The following NPIPB2 variants were observed in gnomAD, a reference collection of about 807,000 sequenced individuals.
NPIPB2 encodes nuclear pore complex-interacting protein family member B2.
NPIPB2 carries 27 observed loss-of-function variants against 30.8 expected under a neutral mutation model. That is an observed-to-expected ratio of 0.88 (90% confidence interval 0.65 to 1.21). The LOEUF (loss-of-function observed/expected upper bound fraction) is 1.21, where lower values mean the gene tolerates loss of function less well. NPIPB2 is among the 50% of genes most tolerant of loss of function. NPIPB2 has a pLI of 0.00. For missense variants in NPIPB2, 440 were observed against 446.2 expected (o/e 0.99, Z 0.13); for synonymous variants, 147 against 162.0 (o/e 0.91, Z 0.70).
chr16:11,966,432 C>T, intron 1 of NPIPB2: 2 of 1,298,400 alleles, frequency 1.5e-6, no homozygotes. Flanking sequence ...TTGACTATTT[C>T]ACTTCGTTAC....
At chr16:11,957,474 T>G (rs1169486584) in intron 1 of NPIPB2, among the ~76,000 whole-genome samples, 1 of 151,886 alleles carries the variant, frequency 6.6e-6, no homozygotes, top group Non-Finnish European at 1.5e-5. Context: ...TTGTATTTTT[T>G]GTACAGACGG....
chr16:11,957,262 T>G (rs1323778760), intron 1 of NPIPB2, among the ~76,000 whole-genome samples: 1 of 151,740 alleles, frequency 6.6e-6, no homozygotes, highest in Non-Finnish European at 1.5e-5. Flanking sequence ...CCTCTTGGGT[T>G]CAAGCGATTC....
chr16:11,933,664 G>A, exon 4 of NPIPB2: 1 of 1,596,792 alleles, frequency 6.3e-7, no homozygotes, highest in Middle Eastern at 2.3e-4. Context: ...TTTATTTCCT[G>A]GAAAGGAAGA....
At chr16:11,976,044 G>C (rs1181774238) in intron 1 of NPIPB2, among the ~76,000 whole-genome samples, 1 of 151,976 alleles carries the variant, frequency 6.6e-6, no homozygotes, top group Non-Finnish European at 1.5e-5. Flanking sequence ...GCCCTCCCAA[G>C]TGCTGGGACC....
chr16:11,970,660 C>G (rs529360500), intron 1 of NPIPB2, among the ~76,000 whole-genome samples: 115 of 152,004 alleles, frequency 7.6e-4, no homozygotes, highest in Middle Eastern at 3.4e-3. Flanking sequence ...CTCAGCCTCC[C>G]GTGTAACTGG....
At chr16:11,946,065 G>A (rs1196729462), upstream of NPIPB2, among the ~76,000 whole-genome samples, 1 of 150,464 alleles carries the variant, frequency 6.6e-6, no homozygotes, top group African/African-American at 2.4e-5. Context: ...AATGAAAGAA[G>A]AAAGAAAGAA....
intron 1 of NPIPB2, among the ~76,000 whole-genome samples, chr16:11,962,063 G>A (rs2150936583): frequency 6.6e-6 from 1 of 152,012 alleles, no homozygotes; most frequent in African/African-American, 2.4e-5. Context: ...AGCTGGGCAT[G>A]GTGGCATGTG....
At chr16:11,940,752 T>C in intron 1 of NPIPB2, among the ~76,000 whole-genome samples, 1 of 93,664 alleles carries the variant, frequency 1.1e-5, no homozygotes. Flanking sequence ...AGAGTGAGAC[T>C]CTGTCTAAAA....
upstream of NPIPB2, among the ~76,000 whole-genome samples, chr16:11,945,682 A>AAAAAAC (rs1054525301): frequency 3.3e-5 from 5 of 151,968 alleles, no homozygotes; most frequent in African/African-American, 1.2e-4. Context: ...TGTCTTAAAA[A>AAAAAAC]AAAAACAAAA....
At chr16:11,937,769 T>C (rs1290230071) in intron 1 of NPIPB2, 101 bp from the exon 2 acceptor site, 1 of 1,449,652 alleles carries the variant, frequency 6.9e-7, no homozygotes, top group African/African-American at 1.4e-5. Context: ...CTCCAAAAGG[T>C]AACCACATCC....
chr16:11,956,964 T>C (rs1260669883), intron 1 of NPIPB2, among the ~76,000 whole-genome samples: 1 of 152,126 alleles, frequency 6.6e-6, no homozygotes. Context: ...CCAAGATGGC[T>C]ATTATTTTTA....
intron 1 of NPIPB2, among the ~76,000 whole-genome samples, chr16:11,962,624 A>AAC (rs2055162414): frequency 6.7e-6 from 1 of 149,254 alleles, no homozygotes; most frequent in African/African-American, 2.5e-5. Flanking sequence ...AAAAAAAAAA[A>AAC]AAAAACCAAA....
chr16:11,959,485 G>C (rs1302621245), intron 1 of NPIPB2, among the ~76,000 whole-genome samples: 1 of 152,016 alleles, frequency 6.6e-6, no homozygotes, highest in Non-Finnish European at 1.5e-5. Flanking sequence ...AGCTACCTGA[G>C]AGGCTGAGGC....
chr16:11,940,794 C>G (rs1475737295), intron 1 of NPIPB2, among the ~76,000 whole-genome samples: 7 of 133,392 alleles, frequency 5.2e-5, no homozygotes, highest in Non-Finnish European at 1.1e-4. Context: ...AGTCATCAAA[C>G]CAGATGACAC....
At chr16:11,954,823 G>A (rs1362961337) in intron 1 of NPIPB2, among the ~76,000 whole-genome samples, 1 of 150,992 alleles carries the variant, frequency 6.6e-6, no homozygotes, top group Admixed American at 6.6e-5. Flanking sequence ...CAGGAGAATG[G>A]TGTGAACCCG....
chr16:11,958,041 C>A (rs1019192452), intron 1 of NPIPB2, among the ~76,000 whole-genome samples: 1 of 152,176 alleles, frequency 6.6e-6, no homozygotes, highest in African/African-American at 2.4e-5. Context: ...AATAACCTGA[C>A]ACAAATCCAA....
chr16:11,935,139 G>T (rs2054848271), intron 2 of NPIPB2, among the ~76,000 whole-genome samples: 1 of 141,914 alleles, frequency 7.0e-6, no homozygotes, highest in South Asian at 2.5e-4. Flanking sequence ...AGGCTGGTTT[G>T]AACTTAACGC....
At chr16:11,970,823 C>T (rs144588486) in intron 1 of NPIPB2, among the ~76,000 whole-genome samples, 1,820 of 151,562 alleles carry the variant, frequency 0.012, 37 homozygotes, top group African/African-American at 0.042. Flanking sequence ...CATGAGCCAC[C>T]GCGCCTGGCC....
At chr16:11,943,856 G>C (rs1469922261), upstream of NPIPB2, among the ~76,000 whole-genome samples, 1 of 151,230 alleles carries the variant, frequency 6.6e-6, no homozygotes, top group Non-Finnish European at 1.5e-5. Flanking sequence ...AAATTAGCTG[G>C]CCGTGGTGGC....
Sources: allele counts gnomAD v4.1 joint callset (sites outside exome capture counted in the v4.1 genomes callset), GRCh38; gene constraint gnomAD v4.1.1; transcripts MANE v1.5; gene names NCBI Gene and HGNC (gene_info 2026-07-23, HGNC 2026-07-21).